KANTR: variants seen among roughly 807,000 people sequenced by gnomAD.
KANTR encodes the protein KANTR integral membrane protein, also known as KDM5C adjacent transcript.
downstream of KANTR, chrX:53,143,060 C>T (rs1933525772): frequency 5.0e-6 from 6 of 1,202,983 alleles, no homozygotes; most frequent in South Asian, 3.5e-5. Flanking sequence ...CGGATGTCCA[C>T]GTCACACTTC....
chrX:53,131,012 C>A (rs905004374), downstream of KANTR, among the ~76,000 whole-genome samples: 7 of 111,344 alleles, frequency 6.3e-5, no homozygotes, highest in Non-Finnish European at 1.3e-4. Context: ...AATGCTTTTT[C>A]TCTTAGGAAC....
downstream of KANTR, chrX:53,143,778 C>T (rs1933535522): frequency 1.9e-6 from 1 of 530,994 alleles, no homozygotes. Context: ...GGCCCATGCC[C>T]ACCATCACAC....
At chrX:53,143,372 C>T, downstream of KANTR, 1 of 746,833 alleles carries the variant, frequency 1.3e-6, no homozygotes, top group Non-Finnish European at 2.0e-6. Context: ...TCCTGGCCAG[C>T]CAGGTCCAGA....
chrX:53,121,563 G>A (rs1933220623), intron 2 of KANTR, among the ~76,000 whole-genome samples: 1 of 105,326 alleles, frequency 9.5e-6, no homozygotes, highest in Non-Finnish European at 1.9e-5. Flanking sequence ...TCTCCATAGT[G>A]TCCTCTGGTC....
chrX:53,095,244 C>T (rs1932837888), intron 1 of KANTR, among the ~76,000 whole-genome samples: 1 of 111,877 alleles, frequency 8.9e-6, no homozygotes, highest in Non-Finnish European at 1.9e-5. Flanking sequence ...CCACAGGAAG[C>T]CCACAGATCT....
chrX:53,106,514 C>A (rs782700556), intron 2 of KANTR, among the ~76,000 whole-genome samples: 1 of 109,436 alleles, frequency 9.1e-6, no homozygotes, highest in South Asian at 3.9e-4. Context: ...GTGATCCCCC[C>A]ACCTCAGCCT....
At chrX:53,098,795 G>A (rs1277206804) in intron 1 of KANTR, among the ~76,000 whole-genome samples, 2 of 110,041 alleles carry the variant, frequency 1.8e-5, no homozygotes, top group African/African-American at 3.3e-5. Flanking sequence ...GCGCGATCAC[G>A]GCTCACTGCG....
chrX:53,142,966 T>C, downstream of KANTR: 1 of 960,985 alleles, frequency 1.0e-6, no homozygotes, highest in Non-Finnish European at 1.5e-6. Context: ...GAACTTGATC[T>C]TCATGGTGCT....
downstream of KANTR, among the ~76,000 whole-genome samples, chrX:53,129,050 A>G (rs782288445): frequency 3.3e-5 from 3 of 90,421 alleles, no homozygotes; most frequent in Non-Finnish European, 6.5e-5. Flanking sequence ...TTTTGGGATG[A>G]TTTTTCTTCT....
chrX:53,110,405 T>C (rs1556813529), intron 2 of KANTR, among the ~76,000 whole-genome samples: 1 of 111,940 alleles, frequency 8.9e-6, no homozygotes, highest in Admixed American at 9.5e-5. Flanking sequence ...TGACATATGG[T>C]TTTTGTCCTT....
At chrX:53,143,278 C>T (rs782230722), downstream of KANTR, 109 of 597,520 alleles carry the variant, frequency 1.8e-4, no homozygotes, top group South Asian at 2.6e-3. Context: ...ATGTAGCACA[C>T]CTTCTCGTTG....
chrX:53,114,660 T>A (rs894115804), intron 2 of KANTR, among the ~76,000 whole-genome samples: 2 of 111,319 alleles, frequency 1.8e-5, no homozygotes, highest in African/African-American at 6.5e-5. Flanking sequence ...GCCTGGAGCC[T>A]GGGTCCACAA....
At chrX:53,122,176 G>C (rs1038250453) in intron 2 of KANTR, among the ~76,000 whole-genome samples, 1 of 111,513 alleles carries the variant, frequency 9.0e-6, no homozygotes, top group Non-Finnish European at 1.9e-5. Context: ...TGGCCACTGG[G>C]GACTCTTGCC....
intron 2 of KANTR, among the ~76,000 whole-genome samples, chrX:53,136,693 C>CATATATATATATATATATATATATAT: frequency 8.6e-4 from 8 of 9,293 alleles, no homozygotes; most frequent in Non-Finnish European, 2.2e-3. Context: ...CCACGCCCGG[C>CATATATATATATATATATATATATAT]ATATATATAT....
downstream of KANTR, among the ~76,000 whole-genome samples, chrX:53,146,155 C>T (rs782797592): frequency 2.5e-4 from 28 of 112,005 alleles, no homozygotes; most frequent in South Asian, 3.3e-3. Context: ...TGGAGAATGA[C>T]GAGTTGAGAG....
At chrX:53,130,321 G>T (rs1556816814), downstream of KANTR, among the ~76,000 whole-genome samples, 1 of 112,191 alleles carries the variant, frequency 8.9e-6, no homozygotes, top group Non-Finnish European at 1.9e-5. Context: ...GGCCAGGGGG[G>T]CCCTCTACTG....
At chrX:53,111,298 A>G (rs1465487081) in intron 2 of KANTR, among the ~76,000 whole-genome samples, 3 of 110,913 alleles carry the variant, frequency 2.7e-5, no homozygotes, top group African/African-American at 9.8e-5. Flanking sequence ...CTAGGAGTAC[A>G]GGCCTGAGCC....
intron 2 of KANTR, among the ~76,000 whole-genome samples, chrX:53,139,120 C>G (rs1355454599): frequency 9.2e-6 from 1 of 108,853 alleles, no homozygotes; most frequent in African/African-American, 3.4e-5. Context: ...ACTCAGGAGG[C>G]TGAGGCAGAA....
chrX:53,133,659 T>A (rs1327585621), intron 2 of KANTR, among the ~76,000 whole-genome samples: 2 of 111,772 alleles, frequency 1.8e-5, no homozygotes, highest in Non-Finnish European at 3.8e-5. Context: ...ACACAGAAGT[T>A]GCCTGCTGTG....
Sources: gnomAD v4.1 joint callset for allele counts (sites outside exome capture counted in the v4.1 genomes callset) on GRCh38, gnomAD v4.1.1 for gene constraint, MANE v1.5 for transcripts, NCBI Gene and HGNC (gene_info 2026-07-23, HGNC 2026-07-21) for gene names.